The following TLE3 variants were observed in gnomAD, a reference collection of about 807,000 sequenced individuals.
TLE3 encodes the protein TLE family member 3, transcriptional corepressor.
A neutral mutation model predicts 93.0 loss-of-function variants in TLE3; 14 were observed. The ratio of observed to expected loss-of-function variants is 0.15; its 90% CI spans 0.10 to 0.24. The LOEUF is 0.24. Ranked by LOEUF, TLE3 falls within the 10% of genes least tolerant of loss-of-function variation. TLE3 has a pLI of 1.00. For missense variants in TLE3, 693 were observed against 1,046.6 expected, an observed-to-expected ratio of 0.66 and a Z score of 4.66; for synonymous variants, 451 against 425.0, an observed-to-expected ratio of 1.06 and a Z score of -0.75.
chr15:70,059,794 C>A (rs1281931193), intron 9 of TLE3, among the ~76,000 whole-genome samples: 1 of 152,214 alleles, frequency 6.6e-6, no homozygotes, highest in Non-Finnish European at 1.5e-5. Context: ...ACCTTCTTCC[C>A]AGCTGGTTTT....
rs774284544 is a variant in TLE3, at chr15:70,066,231, C to T, written c.373-13G>A. 7 of 1,516,760 alleles carry T rather than the reference C, an allele frequency of 4.6e-6. No homozygotes were observed. The highest frequency in any genetic ancestry group is 2.2e-5 in the Admixed American group (1 of 45,118). The allele number at this position is 1,516,760 out of a possible 1,614,324, so 94.0% of individuals were successfully genotyped here. A position where few individuals can be genotyped will look rare whatever the true frequency, so the allele number is the denominator to read the frequency against. ...GGAGCTGCTGCTGCTGCAATGAAGTCGGTGGTGAGTACAGCTGAGTTGGGG... is the reference window on the plus strand; with the variant it reads ...GGAGCTGCTGCTGCTGCAATGAAGTTGGTGGTGAGTACAGCTGAGTTGGGG... On this transcript the variant is annotated splice_polypyrimidine_tract_variant and intron_variant, in intron 6 of 19. Transcript: ENST00000451782.
chr15:70,067,637 G>A (rs1436516167), intron 6 of TLE3, among the ~76,000 whole-genome samples: 1 of 152,206 alleles, frequency 6.6e-6, no homozygotes, highest in Non-Finnish European at 1.5e-5. Flanking sequence ...TCTGGCAACC[G>A]CGAACAGATA....
At position 70,049,581 on chromosome 15, in the gene TLE3, TCA is replaced by T. The variant is rs1491327095; in HGVS notation, c.*514_*515del. 7.1e-6 allele frequency: 1 copy of T among 141,690 alleles called. No homozygotes were observed. The highest frequency in any genetic ancestry group is 1.5e-5 in the Non-Finnish European group (1 of 65,856). The allele number at this position is 141,690 out of a possible 1,614,324, so 8.8% of individuals were successfully genotyped here. ...CAAATACAGCAGGCGAAATACACAC[TCA>T]GAGTTTCCGGTGGGAAGGGGCCTCC... On this transcript the variant is annotated 3_prime_UTR_variant, in exon 20 of 20. Coordinates refer to ENST00000451782, the MANE Select transcript of TLE3 (RefSeq NM_001105192.3).
chr15:70,060,345 G>C (rs1422597103), intron 9 of TLE3, among the ~76,000 whole-genome samples, 185 bp downstream of exon 9: 1 of 152,114 alleles, frequency 6.6e-6, no homozygotes, highest in African/African-American at 2.4e-5. Flanking sequence ...TGCTCATAGC[G>C]TGTGTGAACT....
Position 70,052,640 on chromosome 15 carries a change from C to A in TLE3, c.1975-116G>T, listed in dbSNP as rs1281344970. 3 of 1,209,694 alleles carry A rather than the reference C, an allele frequency of 2.5e-6. No individual in the cohort carries two copies. In the African/African-American group the frequency reaches 4.6e-5, roughly 18 times the overall value. 74.9% of individuals were successfully genotyped at this position (1,209,694 alleles called of 1,614,324 possible). A position where few individuals can be genotyped will look rare whatever the true frequency, so the allele number is the denominator to read the frequency against. Reference sequence around the variant, plus strand: ...GAGGCTCAGGGTCCCTCCCCACCCACCCAATAACCCAGGAGTATGGGAGGT... The same window carrying A: ...GAGGCTCAGGGTCCCTCCCCACCCAACCAATAACCCAGGAGTATGGGAGGT... On this transcript the variant is annotated intron_variant, in intron 17 of 19. Transcript: ENST00000451782.
At chr15:70,053,170 C>T in intron 17 of TLE3, 57 bp downstream of exon 17, 1 of 1,555,906 alleles carries the variant, frequency 6.4e-7, no homozygotes, top group Non-Finnish European at 8.7e-7. Flanking sequence ...GCCACTGGGG[C>T]CCCGGAGGGA....
intron 17 of TLE3, chr15:70,052,763 G>C: frequency 2.9e-6 from 1 of 343,294 alleles, no homozygotes; most frequent in Non-Finnish European, 5.1e-6. Flanking sequence ...AAAAAAGTGA[G>C]TTAAAAAAAA....
intron 19 of TLE3, chr15:70,050,754 G>A (rs2055447760): frequency 6.3e-6 from 1 of 158,102 alleles, no homozygotes; most frequent in African/African-American, 2.4e-5. Flanking sequence ...GCAAGTGTGT[G>A]TGTGGAAGCG....
chr15:70,092,248 A>G (rs2058344254), intron 4 of TLE3, among the ~76,000 whole-genome samples: 1 of 152,210 alleles, frequency 6.6e-6, no homozygotes, highest in Non-Finnish European at 1.5e-5. Context: ...AAACCTAGGG[A>G]GTGGCCAGCT....
chr15:70,055,888 T>C (rs569683449), intron 14 of TLE3: 11 of 297,556 alleles, frequency 3.7e-5, no homozygotes, highest in South Asian at 3.5e-4. Context: ...CCGGGGAGAG[T>C]GTGCCCTCCA....
At chr15:70,068,102 G>A (rs2056928745) in intron 6 of TLE3, among the ~76,000 whole-genome samples, 1 of 152,192 alleles carries the variant, frequency 6.6e-6, no homozygotes, top group South Asian at 2.1e-4. Flanking sequence ...TTAAGAAAAT[G>A]TAATTTTTAA....
chr15:70,078,335 C>T (rs923337169), intron 4 of TLE3, among the ~76,000 whole-genome samples: 20 of 152,200 alleles, frequency 1.3e-4, no homozygotes, highest in Non-Finnish European at 1.5e-4. Context: ...GTAACAAGTT[C>T]TCTCACCTTT....
At position 70,086,617 on chromosome 15, in the gene TLE3, C is replaced by T. The variant is rs565342570; in HGVS notation, c.234+7915G>A. ...GAAAGGGTCAGCCTTCCAGCGCAAACGAAAAAGAAACTTCTATCGGCCTGC... is the reference window on the plus strand; with the variant it reads ...GAAAGGGTCAGCCTTCCAGCGCAAATGAAAAAGAAACTTCTATCGGCCTGC... On this transcript the variant is annotated intron_variant, in intron 4 of 19. Coordinates refer to ENST00000451782, the MANE Select transcript of TLE3 (RefSeq NM_001105192.3). Among the ~76,000 whole-genome samples, 8 of 152,198 alleles carry T rather than the reference C, an allele frequency of 5.3e-5. No homozygotes were observed. The South Asian group carries it at 8.3e-4, about 16-fold the overall frequency.
At chr15:70,072,512 C>A (rs1031384020) in intron 6 of TLE3, among the ~76,000 whole-genome samples, 1 of 152,190 alleles carries the variant, frequency 6.6e-6, no homozygotes, top group Non-Finnish European at 1.5e-5. Flanking sequence ...ACTAGCAGAA[C>A]CACCACCAAG....
chr15:70,060,817 C>G (rs1416096666), intron 8 of TLE3, 168 bp from the exon 9 acceptor site: 1 of 1,158,770 alleles, frequency 8.6e-7, no homozygotes, highest in Non-Finnish European at 1.2e-6. Flanking sequence ...CCAGGGAAGC[C>G]TTCCCCACTC....
chr15:70,066,968 G>A (rs953375618), intron 6 of TLE3: 15 of 321,220 alleles, frequency 4.7e-5, no homozygotes, highest in African/African-American at 3.0e-4. Flanking sequence ...GCAGACCCCA[G>A]AGGATTATTG....
intron 8 of TLE3, among the ~76,000 whole-genome samples, chr15:70,062,594 G>A (rs34573732): frequency 0.35 from 53,954 of 152,064 alleles, 10,584 homozygotes; most frequent in Middle Eastern, 0.59. Flanking sequence ...GGCTAGGCAA[G>A]GAAATATGAA....
chr15:70,088,801 G>A (rs2058156476), intron 4 of TLE3, among the ~76,000 whole-genome samples: 1 of 152,190 alleles, frequency 6.6e-6, no homozygotes, highest in South Asian at 2.1e-4. Flanking sequence ...TGCCACTTTG[G>A]GGAATAAAGT....
chr15:70,096,319 G>C (rs777609890), intron 1 of TLE3, 58 bp from the exon 2 acceptor site: 17 of 1,547,638 alleles, frequency 1.1e-5, no homozygotes, highest in Non-Finnish European at 1.5e-5. Flanking sequence ...CGCGCTCAGA[G>C]CGGCCCCGGC....
Sources: gnomAD v4.1 joint callset for allele counts (sites outside exome capture counted in the v4.1 genomes callset) on GRCh38, gnomAD v4.1.1 for gene constraint, MANE v1.5 for transcripts, NCBI Gene and HGNC (gene_info 2026-07-23, HGNC 2026-07-21) for gene names.